Variants in EP300 observed in about 807,000 individuals in gnomAD.
EP300 encodes the protein EP300 lysine acetyltransferase.
Under a neutral mutation model 264.0 loss-of-function variants are expected in EP300, and 31 were observed. The ratio of observed to expected loss-of-function variants is 0.12; its 90% confidence interval spans 0.09 to 0.16. The LOEUF (loss-of-function observed/expected upper bound fraction) is 0.16. Ranked by LOEUF, EP300 falls within the 10% of genes least tolerant of loss-of-function variation. The pLI is 1.00. For synonymous variants in EP300, 1,340 were observed against 1,045.4 expected (o/e 1.28, Z -5.44); for missense variants, 2,766 against 3,052.9 (o/e 0.91, Z 2.21).
chr22:41,168,649 T>C, intron 24 of EP300, 50 bp downstream of exon 24: 1 of 1,614,204 alleles, frequency 6.2e-7, no homozygotes, highest in Non-Finnish European at 8.5e-7. Flanking sequence ...AAATTGCTCA[T>C]ACATGGTTAC....
At chr22:41,095,519 G>A (rs939925924) in intron 1 of EP300, among the ~76,000 whole-genome samples, 1 of 151,434 alleles carries the variant, frequency 6.6e-6, no homozygotes, top group Non-Finnish European at 1.5e-5. Flanking sequence ...GGTATGAGCC[G>A]CCCGGCCAGA....
intron 6 of EP300, among the ~76,000 whole-genome samples, chr22:41,132,731 G>C (rs1314849864): frequency 1.3e-5 from 2 of 152,130 alleles, no homozygotes; most frequent in African/African-American, 4.8e-5. Flanking sequence ...CTCATGTCTG[G>C]CAGGAGGAAT....
rs2059230821 is a variant in EP300, at chr22:41,179,837, T to G, written c.*881T>G. On this transcript the variant is annotated 3_prime_UTR_variant, in exon 31 of 31. Transcript: ENST00000263253. ...TTAACATGCAAAATGTCCCTGGGGG[T>G]TTCTTCTTTGCTTGCTTTCTTCCTC... is the stretch of plus-strand genomic sequence containing the variant. The G allele has an allele frequency of 1.8e-5, 4 of 225,540 alleles. No homozygotes were observed. Among genetic ancestry groups the G allele is most frequent in the Non-Finnish European group, 2.6e-5 (3 of 114,786 alleles). 14.0% of individuals were successfully genotyped at this position (225,540 alleles called of 1,614,324 possible). A position where few individuals can be genotyped will look rare whatever the true frequency, so the allele number is the denominator to read the frequency against.
intron 1 of EP300, 38 bp from the exon 2 acceptor site, chr22:41,117,149 G>A (rs773695559): frequency 7.5e-6 from 12 of 1,591,706 alleles, no homozygotes; most frequent in Middle Eastern, 1.7e-4. Context: ...TTTTGGTTTT[G>A]TCATACTTTG....
At chr22:41,125,112 CTTTTTT>C (rs930135062) in intron 2 of EP300, among the ~76,000 whole-genome samples, 12 of 80,372 alleles carry the variant, frequency 1.5e-4, no homozygotes, top group Admixed American at 9.5e-4. Context: ...CTTTTCTTTC[CTTTTTT>C]TTTTTTTTTT....
At chr22:41,151,769 T>C in intron 14 of EP300, 64 bp from the exon 15 acceptor site, 1 of 1,526,822 alleles carries the variant, frequency 6.5e-7, no homozygotes, top group Non-Finnish European at 9.1e-7. Context: ...TTACCTTACA[T>C]TCTGATTGTA....
chr22:41,145,200 G>T (rs2059003884), intron 10 of EP300, among the ~76,000 whole-genome samples: 2 of 152,202 alleles, frequency 1.3e-5, no homozygotes, highest in Admixed American at 1.3e-4. Flanking sequence ...GGGAGGAAGA[G>T]GAAAGGTTTA....
chr22:41,175,616 T>G (rs961145253), intron 29 of EP300, among the ~76,000 whole-genome samples: 1 of 152,246 alleles, frequency 6.6e-6, no homozygotes, highest in African/African-American at 2.4e-5. Flanking sequence ...GGGACCTTCA[T>G]GAGTCCAGGC....
intron 10 of EP300, among the ~76,000 whole-genome samples, chr22:41,143,271 G>T (rs973992058): frequency 6.6e-5 from 10 of 152,140 alleles, no homozygotes; most frequent in Non-Finnish European, 1.3e-4. Flanking sequence ...GGGCAACATG[G>T]TGAAACTCTG....
chr22:41,169,289 C>T, intron 25 of EP300: 1 of 594,872 alleles, frequency 1.7e-6, no homozygotes, highest in Non-Finnish European at 3.0e-6. Flanking sequence ...CCAGGCACTG[C>T]TAGTTACTAC....
chr22:41,120,281 G>C (rs2058845006), intron 2 of EP300, among the ~76,000 whole-genome samples: 1 of 152,090 alleles, frequency 6.6e-6, no homozygotes, highest in African/African-American at 2.4e-5. Context: ...AATCATTCCA[G>C]ACCAGCCCCA....
At chr22:41,143,162 A>G (rs2058992404) in intron 10 of EP300, among the ~76,000 whole-genome samples, 1 of 152,184 alleles carries the variant, frequency 6.6e-6, no homozygotes, top group Non-Finnish European at 1.5e-5. Context: ...ATAGAAGCAT[A>G]AAAGTGGTCG....
chr22:41,136,212 G>C (rs2058949608), intron 7 of EP300, among the ~76,000 whole-genome samples: 1 of 152,184 alleles, frequency 6.6e-6, no homozygotes, highest in African/African-American at 2.4e-5. Context: ...TTTTGGTAGA[G>C]ACAGGGTTTC....
chr22:41,106,418 G>A (rs1157739353), intron 1 of EP300, among the ~76,000 whole-genome samples: 2 of 151,890 alleles, frequency 1.3e-5, no homozygotes, highest in African/African-American at 2.4e-5. Context: ...TGGCCTTGGC[G>A]CTCTGAGTCT....
chr22:41,167,837 T>TG (rs1371982527), intron 23 of EP300, among the ~76,000 whole-genome samples: 4 of 93,352 alleles, frequency 4.3e-5, no homozygotes, highest in East Asian at 2.6e-4. Context: ...TTTTTTTTTT[T>TG]TTTTTTTTTT....
At chr22:41,145,910 C>CAGG (rs1301763789) in intron 10 of EP300, among the ~76,000 whole-genome samples, 1 of 152,032 alleles carries the variant, frequency 6.6e-6, no homozygotes, top group Non-Finnish European at 1.5e-5. Context: ...GCTGGGATTA[C>CAGG]AGGATATTTT....
chr22:41,130,108 A>G (rs533814902), intron 5 of EP300, 105 bp downstream of exon 5: 1 of 825,980 alleles, frequency 1.2e-6, no homozygotes, highest in South Asian at 1.5e-5. Context: ...GTGTTGTACT[A>G]TGTTGAATAA....
chr22:41,098,956 T>C (rs1215461910), intron 1 of EP300, among the ~76,000 whole-genome samples: 1 of 152,198 alleles, frequency 6.6e-6, no homozygotes, highest in African/African-American at 2.4e-5. Flanking sequence ...CTTTATCAGA[T>C]GCTTAGGACT....
intron 8 of EP300, among the ~76,000 whole-genome samples, chr22:41,139,006 G>A (rs994620480): frequency 6.6e-6 from 1 of 152,068 alleles, no homozygotes; most frequent in Non-Finnish European, 1.5e-5. Context: ...CTGGAGTGCA[G>A]TGTCGTGATC....
Sources: gnomAD v4.1 joint callset for allele counts (sites outside exome capture counted in the v4.1 genomes callset) on GRCh38, gnomAD v4.1.1 for gene constraint, MANE v1.5 for transcripts, NCBI Gene and HGNC (gene_info 2026-07-23, HGNC 2026-07-21) for gene names.